Variants in CASKIN1 observed in about 807,000 individuals in gnomAD.
The protein encoded by CASKIN1 is caskin-1.
Under a neutral mutation model 117.5 loss-of-function variants are expected in CASKIN1, and 42 were observed. The ratio of observed to expected loss-of-function variants is 0.36; its 90% CI spans 0.28 to 0.46. The LOEUF (loss-of-function observed/expected upper bound fraction) is 0.46, where lower values mean the gene tolerates loss of function less well. Among genes scored for constraint, CASKIN1 ranks in the 20% least tolerant of loss-of-function variants. The pLI is 1.00. For synonymous variants in CASKIN1, 1,148 were observed against 961.7 expected, an observed-to-expected ratio of 1.19 and a Z score of -3.59; for missense variants, 2,083 against 2,077.3, an observed-to-expected ratio of 1.00 and a Z score of -0.05.
At position 2,184,955 on chromosome 16, in the gene CASKIN1, A is replaced by G. The variant is rs1329324096; in HGVS notation, c.1320T>C (p.Ser440=). Residue 440 remains serine (S), a synonymous_variant, in exon 13 of 20, where the codon TCT becomes TCC. Transcript: ENST00000343516. The part of the protein sequence containing the change: ...GDSPAKPPEG[S]AGVARSQPPV... ...TGGCAGCACCCTTGCTCTTACCTGC[A>G]GAGCCTTCCGGAGGCTTGGCGGGGC... The G allele has an allele frequency of 6.2e-7, 1 of 1,602,212 alleles. No individual in the cohort carries two copies. Among genetic ancestry groups the G allele is most frequent in the South Asian group, 1.1e-5 (1 of 90,456 alleles).
chr16:2,193,323 T>C (rs557400543), intron 1 of CASKIN1, among the ~76,000 whole-genome samples: 1 of 152,288 alleles, frequency 6.6e-6, no homozygotes, highest in African/African-American at 2.4e-5. Context: ...GGCCTGAAAT[T>C]CTTATTTTTG....
Position 2,179,699 on chromosome 16 carries a change from C to T in CASKIN1, c.3669G>A (p.Lys1223=), listed in dbSNP as rs751955846. ...GGACGGGCTTGGGAGAGACAGGCGG[C>T]TTGGCCGGCTTCCGGGCTTCGCCCT... ...PPEGEARKPA[K]PPVSPKPVLT... The change falls in exon 18 of 20, where the codon AAG becomes AAA. Residue 1223 remains lysine (K), a synonymous_variant. Coordinates refer to ENST00000343516, the MANE Select transcript of CASKIN1 (RefSeq NM_020764.4). The surrounding 1 kb of genome is among the most constrained non-coding windows in gnomAD (Gnocchi z 5.8). 2.6e-6 allele frequency: 4 copies of T among 1,522,704 alleles called. No homozygotes were observed. In the South Asian group the frequency reaches 3.9e-5, roughly 15 times the overall value. The allele number at this position is 1,522,704 out of a possible 1,614,324, so 94.3% of individuals were successfully genotyped here.
At chr16:2,183,781 G>A in intron 15 of CASKIN1, 34 bp from the exon 16 acceptor site, 1 of 1,612,120 alleles carries the variant, frequency 6.2e-7, no homozygotes, top group Non-Finnish European at 8.5e-7. Flanking sequence ...GCTAGGGGCT[G>A]GGCCCATCTG....
Position 2,184,806 on chromosome 16 carries a change from T to C in CASKIN1, c.1387A>G (p.Lys463Glu), listed in dbSNP as rs1313802347. ...AGQVYGEQPP[K>E]KLEPASEGKS... ...CCCTCCGATGCTGGCTCCAGCTTCT[T>C]GGGCGGCTGCTCCCCATAGACCTGC... is the stretch of plus-strand genomic sequence containing the variant. Residue 463 changes from lysine to glutamate, a missense_variant, in exon 14 of 20, where the codon AAG becomes GAG. Physicochemically the swap from Lys to Glu is moderately conservative, Grantham distance 56. Coordinates refer to ENST00000343516, the MANE Select transcript of CASKIN1 (RefSeq NM_020764.4). The C allele has an allele frequency of 2.0e-6, 3 of 1,536,560 alleles. No individual in the cohort carries two copies. The highest frequency in any genetic ancestry group is 2.6e-6 in the Non-Finnish European group (3 of 1,141,362).
In CASKIN1 at chr16:2,181,284, C is replaced by A; in HGVS notation, c.2084G>T (p.Ser695Ile). 6.2e-7 allele frequency: 1 copy of A among 1,602,506 alleles called. No individual in the cohort carries two copies. The highest frequency in any genetic ancestry group is 1.7e-5 in the Admixed American group (1 of 59,806). ...TPRATTRQDS[S>I]LGGRARHMSS... ...CATGTGCCGTGCCCGACCACCCAGG[C>A]TGGAGTCCTGCCGCGTGGTGGCCCT... Residue 695 changes from serine (S) to isoleucine (I), a missense_variant, in exon 18 of 20, where the codon AGC becomes ATC. By Grantham distance (142) the Ser-to-Ile change is moderately radical. Around this residue, in one of 3 missense-constraint regions of CASKIN1, gnomAD observed 1,818 missense variants for 1,688.9 expected, o/e 1.08. Coordinates refer to ENST00000343516, the MANE Select transcript of CASKIN1 (RefSeq NM_020764.4).
rs1236126600 is a variant in CASKIN1, at chr16:2,196,274, GGGGGCTCCGCGCCGGGGAGGGGCCCCC to G, written c.94+38_94+64del. The G allele has an allele frequency of 4.3e-6, 3 of 697,862 alleles. No individual in the cohort carries two copies. The highest frequency in any genetic ancestry group is 5.4e-5 in the East Asian group (1 of 18,628). 43.2% of individuals were successfully genotyped at this position (697,862 alleles called of 1,614,324 possible). On this transcript the variant is annotated intron_variant, in intron 1 of 19. Transcript: ENST00000343516. This position sits in a 1 kb window ranked among gnomAD's most constrained non-coding sequence, Gnocchi z 5.7. ...TCCCCTCCCCGCCCGGCGCCGGGTG[GGGGGCTCCGCGCCGGGGAGGGGCCCCC>G]GGGGCTCCCACCCGCGCCCCGCGCC...
chr16:2,185,486 G>A, intron 10 of CASKIN1, 78 bp from the exon 11 acceptor site: 1 of 1,261,244 alleles, frequency 7.9e-7, no homozygotes, highest in Non-Finnish European at 1.1e-6. Flanking sequence ...GACAGAGACT[G>A]GCGCAGCCAC....
chr16:2,179,588 C>T lies in CASKIN1; in HGVS notation c.3775+5G>A, dbSNP rs1176363450. On this transcript the variant is annotated splice_donor_5th_base_variant and intron_variant, in intron 18 of 19. Coordinates refer to ENST00000343516, the MANE Select transcript of CASKIN1 (RefSeq NM_020764.4). The surrounding 1 kb of genome is among the most constrained non-coding windows in gnomAD (Gnocchi z 5.8). ...TGCCCCTTCACCCCACCCTGGCTGG[C>T]CTACCTGGGCTGCCAGGGCCTGGCA... is the stretch of plus-strand genomic sequence containing the variant. The T allele has an allele frequency of 6.9e-7, 1 of 1,439,768 alleles. No individual in the cohort carries two copies. Among genetic ancestry groups the T allele is most frequent in the Non-Finnish European group, 9.1e-7 (1 of 1,102,676 alleles). 89.2% of individuals were successfully genotyped at this position (1,439,768 alleles called of 1,614,324 possible).
At chr16:2,181,734 G>A in intron 17 of CASKIN1, 57 bp downstream of exon 17, 1 of 1,581,326 alleles carries the variant, frequency 6.3e-7, no homozygotes, top group Non-Finnish European at 8.6e-7. Flanking sequence ...GGTGGCTGGT[G>A]GCTGGGGCTT....
intron 17 of CASKIN1, 67 bp from the exon 18 acceptor site, chr16:2,181,666 C>A: frequency 2.0e-5 from 2 of 101,732 alleles, no homozygotes; most frequent in Non-Finnish European, 3.5e-5. Context: ...GGGCTAGGGG[C>A]GGGGCTGGGC....
Position 2,181,858 on chromosome 16 carries a change from G to C in CASKIN1, c.1701C>G (p.Tyr567Ter). ...TGTCGGTGATGAAATCAATGTTCTC[G>C]TAGCCATTGTCCACCAACACCTTGT... ...QYYKVLVDNGYENIDFITDIT... is the reference protein window; with the variant it reads ...QYYKVLVDNG Residue 567 changes from tyrosine (Y) to a stop codon, truncating the protein, a stop_gained, in exon 17 of 20, where the codon TAC becomes TAG. Coordinates refer to ENST00000343516, the MANE Select transcript of CASKIN1 (RefSeq NM_020764.4). LOFTEE classifies it high-confidence loss of function. 1 of 1,613,762 alleles carries C rather than the reference G, an allele frequency of 6.2e-7. No homozygotes were observed. Among genetic ancestry groups the C allele is most frequent in the Non-Finnish European group, 8.5e-7 (1 of 1,179,984 alleles).
At position 2,180,409 on chromosome 16, in the gene CASKIN1, T is replaced by TGGCCCGCCGGCACTGTGCCC; in HGVS notation, c.2939_2958dup (p.Ser987GlyfsTer22). On this transcript the variant is annotated frameshift_variant, in exon 18 of 20. Transcript: ENST00000343516. LOFTEE classifies it high-confidence loss of function. ...GTGTCCACGCTGCCGGCCAGGTCAC[T>TGGCCCGCCGGCACTGTGCCC]GGCCCGCCGGCACTGTGCCCGGACC... 6.3e-7 allele frequency: 1 copy of TGGCCCGCCGGCACTGTGCCC among 1,575,284 alleles called. No homozygotes were observed. Among genetic ancestry groups the TGGCCCGCCGGCACTGTGCCC allele is most frequent in the East Asian group, 2.3e-5 (1 of 43,062 alleles).
At position 2,178,913 on chromosome 16, in the gene CASKIN1, C is replaced by A; in HGVS notation, c.4188G>T (p.Ala1396=). The change falls in exon 19 of 20, where the codon GCG becomes GCT. Residue 1396 remains alanine (A), a synonymous_variant. Coordinates refer to ENST00000343516, the MANE Select transcript of CASKIN1 (RefSeq NM_020764.4). ...AVEEKIRQED[A]QGPRDSAAEK... ...CGCCCCGCACCTACCGCGGGCCCTGCGCGTCCTCCTGCCGGATCTTCTCCT... is the reference window on the plus strand; with the variant it reads ...CGCCCCGCACCTACCGCGGGCCCTGAGCGTCCTCCTGCCGGATCTTCTCCT... 1.4e-6 allele frequency: 2 copies of A among 1,477,676 alleles called. No individual in the cohort carries two copies. Among genetic ancestry groups the A allele is most frequent in the Non-Finnish European group, 1.8e-6 (2 of 1,124,172 alleles). 91.5% of individuals were successfully genotyped at this position (1,477,676 alleles called of 1,614,324 possible).
chr16:2,183,440 C>T (rs900547900), intron 16 of CASKIN1, among the ~76,000 whole-genome samples: 1 of 152,266 alleles, frequency 6.6e-6, no homozygotes, highest in African/African-American at 2.4e-5. Flanking sequence ...TCAGCAACGA[C>T]GACCCCTGGA....
In CASKIN1 at chr16:2,182,516, C is replaced by T. The variant is rs2093171197; in HGVS notation, c.1630-587G>A. Reference sequence around the variant, plus strand: ...CACTTCCAGCTGGAATTCACTCATGCAACTGCTCTTGAACACTCAGCCACC... The same window carrying T: ...CACTTCCAGCTGGAATTCACTCATGTAACTGCTCTTGAACACTCAGCCACC... On this transcript the variant is annotated intron_variant, in intron 16 of 19. Coordinates refer to ENST00000343516, the MANE Select transcript of CASKIN1 (RefSeq NM_020764.4). The surrounding 1 kb of genome is among the most constrained non-coding windows in gnomAD (Gnocchi z 4.1). Among the ~76,000 whole-genome samples the T allele has an allele frequency of 6.6e-6, 1 of 152,152 alleles. No homozygotes were observed. Among genetic ancestry groups the T allele is most frequent in the Admixed American group, 6.5e-5 (1 of 15,286 alleles).
At position 2,179,147 on chromosome 16, in the gene CASKIN1, C is replaced by A; in HGVS notation, c.3954G>T (p.Pro1318=). The A allele has an allele frequency of 2.5e-5, 26 of 1,059,346 alleles. No individual in the cohort carries two copies. The highest frequency in any genetic ancestry group is 2.8e-5 in the Non-Finnish European group (25 of 878,406). The allele number at this position is 1,059,346 out of a possible 1,614,324, so 65.6% of individuals were successfully genotyped here. Residue 1318 remains proline, a synonymous_variant, in exon 19 of 20, where the codon CCG becomes CCT. Coordinates refer to ENST00000343516, the MANE Select transcript of CASKIN1 (RefSeq NM_020764.4). This position sits in a 1 kb window ranked among gnomAD's most constrained non-coding sequence, Gnocchi z 5.8. The part of the protein sequence containing the change: ...PAALAKPPGT[P]PSLGASPAKP... ...TGGCGGGGCTGGCGCCCAGCGAGGG[C>A]GGCGTACCGGGCGGCTTGGCGAGGG... is the stretch of plus-strand genomic sequence containing the variant.
At position 2,187,173 on chromosome 16, in the gene CASKIN1, C is replaced by T. The variant is rs780865497; in HGVS notation, c.828G>A (p.Leu276=). Reference sequence around the variant, plus strand: ...TGCCCTGCCTGGGCCCACCTCGCAACAGCTGCTTGATCTCCCTGCTGGCCT... The same window carrying T: ...TGCCCTGCCTGGGCCCACCTCGCAATAGCTGCTTGATCTCCCTGCTGGCCT... ...TSQASREIKQ[L]LREASAALQV... is the part of the protein sequence containing the mutation. Residue 276 remains leucine (L), a synonymous_variant, in exon 8 of 20, where the codon CTG becomes CTA. Coordinates refer to ENST00000343516, the MANE Select transcript of CASKIN1 (RefSeq NM_020764.4). The T allele has an allele frequency of 4.3e-6, 7 of 1,613,868 alleles. No individual in the cohort carries two copies. Among genetic ancestry groups the T allele is most frequent in the Admixed American group, 1.7e-5 (1 of 60,008 alleles).
chr16:2,183,271 G>A (rs912784576), intron 16 of CASKIN1, among the ~76,000 whole-genome samples: 1 of 152,226 alleles, frequency 6.6e-6, no homozygotes, highest in African/African-American at 2.4e-5. Context: ...CTGGGTGCCT[G>A]TGAGCAAAGG....
Position 2,180,617 on chromosome 16 carries a change from G to C in CASKIN1, c.2751C>G (p.Ser917Arg). 6.4e-7 allele frequency: 1 copy of C among 1,564,486 alleles called. No individual in the cohort carries two copies. Among genetic ancestry groups the C allele is most frequent in the Admixed American group, 1.8e-5 (1 of 54,362 alleles). The part of the protein sequence containing the change: ...YATVQRRVGR[S>R]HSVRAPAGAD... ...CACCTGCGGGCGCCCTCACTGAGTG[G>C]CTGCGGCCCACGCGCCGCTGGACCG... is the stretch of plus-strand genomic sequence containing the variant. Residue 917 changes from serine (S) to arginine (R), a missense_variant, in exon 18 of 20, where the codon AGC (serine) becomes AGG (arginine). Around this residue, in one of 3 missense-constraint regions of CASKIN1, gnomAD observed 1,818 missense variants for 1,688.9 expected, o/e 1.08. Transcript: ENST00000343516.
Sources: allele counts gnomAD v4.1 joint callset (sites outside exome capture counted in the v4.1 genomes callset), GRCh38; gene constraint gnomAD v4.1.1; regional missense constraint gnomAD v4.1.1; non-coding constraint Gnocchi (gnomAD v3.1); transcripts MANE v1.5; gene names NCBI Gene and HGNC (gene_info 2026-07-23, HGNC 2026-07-21).